Variants in CTNNA3 observed in about 807,000 individuals in gnomAD.
The protein encoded by CTNNA3 is catenin alpha 3.
In CTNNA3, 76 loss-of-function variants were observed where a neutral mutation model predicts 95.7. The observed-to-expected ratio is 0.79, with a 90% CI of 0.66 to 0.96. CTNNA3 has a LOEUF of 0.96. Ranked by LOEUF, CTNNA3 falls within the 40% of genes least tolerant of loss-of-function variation. The pLI, the probability that CTNNA3 is intolerant of heterozygous loss-of-function variation, is 0.00. For missense variants in CTNNA3, 1,191 were observed against 1,089.8 expected (o/e 1.09, Z -1.31); for synonymous variants, 431 against 374.4 (o/e 1.15, Z -1.74).
chr10:67,032,362 G>A (rs893099113), intron 7 of CTNNA3, among the ~76,000 whole-genome samples: 4 of 151,992 alleles, frequency 2.6e-5, no homozygotes, highest in African/African-American at 9.7e-5. Flanking sequence ...AAGTAAATTT[G>A]CCTACTTTCC....
chr10:67,331,050 AT>A (rs58469434), intron 5 of CTNNA3, among the ~76,000 whole-genome samples: 3 of 152,280 alleles, frequency 2.0e-5, no homozygotes, highest in African/African-American at 7.2e-5. Flanking sequence ...TTTTCTGGGT[AT>A]TTTTTTCCCA....
rs1845183074 is a variant in CTNNA3 at position 66,889,550 on chromosome 10, A to G, written c.1048-114026T>C. On this transcript the variant is annotated intron_variant, in intron 7 of 17. Transcript: ENST00000433211. ...TAATCTAAAAAATAAAGTCTATTAA[A>G]AAAAGAAAAAAAGATGACCGTGGCT... Among the ~76,000 whole-genome samples the G allele has an allele frequency of 3.3e-5, 5 of 152,172 alleles. No individual in the cohort carries two copies. In the South Asian group the frequency reaches 1.0e-3, roughly 32 times the overall value.
intron 15 of CTNNA3, among the ~76,000 whole-genome samples, chr10:66,032,460 A>C (rs1320596575): frequency 1.3e-5 from 2 of 152,214 alleles, no homozygotes; most frequent in Non-Finnish European, 2.9e-5. Flanking sequence ...GACAGATTTA[A>C]ATAATACTGC....
intron 7 of CTNNA3, among the ~76,000 whole-genome samples, chr10:67,112,639 A>G (rs1346537683): frequency 6.6e-6 from 1 of 151,610 alleles, no homozygotes. Flanking sequence ...TTTTTTCTAA[A>G]TTTCAGAGCA....
At chr10:66,457,228 C>G (rs556316238) in intron 11 of CTNNA3, among the ~76,000 whole-genome samples, 38 of 152,186 alleles carry the variant, frequency 2.5e-4, no homozygotes, top group African/African-American at 8.4e-4. Flanking sequence ...AAATGTAAAA[C>G]TTTTGCTTTA....
intron 10 of CTNNA3, among the ~76,000 whole-genome samples, chr10:66,605,604 G>GA (rs1178342548): frequency 6.6e-6 from 1 of 152,142 alleles, no homozygotes; most frequent in African/African-American, 2.4e-5. Context: ...ACTAACAGTG[G>GA]ACCTTTCAGC....
chr10:67,383,052 T>A (rs895776122), intron 5 of CTNNA3, among the ~76,000 whole-genome samples: 1 of 152,144 alleles, frequency 6.6e-6, no homozygotes, highest in South Asian at 2.1e-4. Flanking sequence ...ACTCCATAAG[T>A]TGTTAATGCA....
rs552673873 is a variant in CTNNA3, at chr10:67,577,837, T to A, written c.292+29020A>T. Among the ~76,000 whole-genome samples the A allele has an allele frequency of 4.6e-5, 7 of 151,530 alleles. No homozygotes were observed. The East Asian group carries it at 1.2e-3, about 25-fold the overall frequency. ...AAACATACAAGTGAAGGTATCTTTTTTATATATTGGCTTCATTTGGGTAGA... is the reference window on the plus strand; with the variant it reads ...AAACATACAAGTGAAGGTATCTTTTATATATATTGGCTTCATTTGGGTAGA... On this transcript the variant is annotated intron_variant, in intron 3 of 17. Coordinates refer to ENST00000433211, the MANE Select transcript of CTNNA3 (RefSeq NM_013266.4).
At chr10:66,464,684 A>G (rs1475140733) in intron 11 of CTNNA3, among the ~76,000 whole-genome samples, 1 of 151,904 alleles carries the variant, frequency 6.6e-6, no homozygotes, top group Non-Finnish European at 1.5e-5. Context: ...AATCACTTGA[A>G]CCTAGGAGAC....
At chr10:67,582,896 G>C (rs1417221143) in intron 3 of CTNNA3, among the ~76,000 whole-genome samples, 1 of 151,196 alleles carries the variant, frequency 6.6e-6, no homozygotes, top group Non-Finnish European at 1.5e-5. Context: ...GCCTTTTTTT[G>C]TTTTCCATTT....
chr10:67,247,599 A>G (rs759495232), intron 5 of CTNNA3, among the ~76,000 whole-genome samples: 5 of 152,174 alleles, frequency 3.3e-5, no homozygotes, highest in Non-Finnish European at 5.9e-5. Context: ...TATAAATTTA[A>G]TGTAATTTCT....
intron 7 of CTNNA3, among the ~76,000 whole-genome samples, chr10:66,898,364 G>A (rs1262411465): frequency 6.0e-5 from 8 of 134,012 alleles, no homozygotes; most frequent in African/African-American, 2.0e-4. Flanking sequence ...GAACTACAAA[G>A]TATCTGTAAA....
intron 7 of CTNNA3, among the ~76,000 whole-genome samples, chr10:67,116,330 G>A (rs761852606): frequency 6.6e-6 from 1 of 151,948 alleles, no homozygotes; most frequent in Non-Finnish European, 1.5e-5. Flanking sequence ...CCTTCCAAAA[G>A]CAATGAATAG....
intron 7 of CTNNA3, among the ~76,000 whole-genome samples, chr10:66,932,898 C>T (rs2204245): frequency 0.61 from 93,085 of 151,994 alleles, 30,638 homozygotes; most frequent in East Asian, 0.97. Context: ...TGGTAGAATA[C>T]GGGCCTTAGA....
At chr10:67,488,493 C>T (rs1848530129) in intron 5 of CTNNA3, among the ~76,000 whole-genome samples, 1 of 152,024 alleles carries the variant, frequency 6.6e-6, no homozygotes, top group African/African-American at 2.4e-5. Flanking sequence ...CCTCAGCCCC[C>T]TGAGTAGCTG....
chr10:67,526,400 A>G (rs903534082), intron 4 of CTNNA3, among the ~76,000 whole-genome samples: 26 of 151,020 alleles, frequency 1.7e-4, no homozygotes, highest in Non-Finnish European at 3.1e-4. Context: ...AGTTAAGAAC[A>G]TAGAGCAAAA....
At chr10:66,896,179 T>A (rs1351267315) in intron 7 of CTNNA3, among the ~76,000 whole-genome samples, 1 of 152,166 alleles carries the variant, frequency 6.6e-6, no homozygotes, top group Non-Finnish European at 1.5e-5. Context: ...CAAGATCTGA[T>A]ATTTATTCTA....
chr10:66,536,212 T>C (rs909119837), intron 10 of CTNNA3, among the ~76,000 whole-genome samples: 3 of 151,844 alleles, frequency 2.0e-5, no homozygotes, highest in African/African-American at 7.3e-5. Context: ...GTAATCCTTG[T>C]GGCTCACACC....
At position 66,926,940 on chromosome 10, in the gene CTNNA3, A is replaced by G. The variant is rs147329406; in HGVS notation, c.1048-151416T>C. On this transcript the variant is annotated intron_variant, in intron 7 of 17. Coordinates refer to ENST00000433211, the MANE Select transcript of CTNNA3 (RefSeq NM_013266.4). ...TTCCAGGTTTCAATGTAATTAGGCT[A>G]CTGAGCGGATCAGCTGTAGCACTGG... 62 of 1,593,066 alleles carry G rather than the reference A, an allele frequency of 3.9e-5. No individual in the cohort carries two copies. The African/African-American group carries it at 7.7e-4, about 20-fold the overall frequency.
Sources: allele counts gnomAD v4.1 joint callset (sites outside exome capture counted in the v4.1 genomes callset), GRCh38; gene constraint gnomAD v4.1.1; transcripts MANE v1.5; gene names NCBI Gene and HGNC (gene_info 2026-07-23, HGNC 2026-07-21).